TASP1: variants seen among roughly 807,000 people sequenced by gnomAD.
TASP1 encodes threonine aspartase 1.
A neutral mutation model predicts 56.6 loss-of-function variants in TASP1; 16 were observed. That is an observed-to-expected ratio of 0.28 (90% CI 0.19 to 0.43). TASP1 has a LOEUF of 0.43. Ranked by LOEUF, TASP1 falls within the 20% of genes least tolerant of loss-of-function variation. The pLI is 1.00. For missense variants in TASP1, 393 were observed against 511.6 expected, an observed-to-expected ratio of 0.77 and a Z score of 2.24; for synonymous variants, 179 against 184.2, an observed-to-expected ratio of 0.97 and a Z score of 0.23.
intron 11 of TASP1, among the ~76,000 whole-genome samples, chr20:13,454,152 C>T (rs1651025408): frequency 6.6e-6 from 1 of 151,834 alleles, no homozygotes; most frequent in South Asian, 2.1e-4. Flanking sequence ...CACTGGAAAC[C>T]ATGAAGTAGT....
chr20:13,107,088 A>G, the TASP1 span, among the ~76,000 whole-genome samples: 55,745 of 152,084 alleles, frequency 0.37, 10,735 homozygotes, highest in Non-Finnish European at 0.44. Flanking sequence ...AAAACATTAT[A>G]TCGATCAAAG....
At chr20:13,134,235 C>G in the TASP1 span, among the ~76,000 whole-genome samples, 1 of 152,150 alleles carries the variant, frequency 6.6e-6, no homozygotes, top group Non-Finnish European at 1.5e-5. Flanking sequence ...GATGCAGATG[C>G]TCACAAAATA....
At chr20:13,453,291 G>C (rs1433144144) in intron 11 of TASP1, among the ~76,000 whole-genome samples, 2 of 152,102 alleles carry the variant, frequency 1.3e-5, no homozygotes, top group Non-Finnish European at 2.9e-5. Flanking sequence ...TGTGGCAAAA[G>C]AGAAGAATGG....
chr20:13,606,462 T>G (rs2048156914), intron 4 of TASP1, among the ~76,000 whole-genome samples: 1 of 152,140 alleles, frequency 6.6e-6, no homozygotes. Flanking sequence ...GTATACATAA[T>G]TTTTGTTTGT....
chr20:13,558,252 C>T (rs2046229766), intron 8 of TASP1, among the ~76,000 whole-genome samples: 1 of 152,136 alleles, frequency 6.6e-6, no homozygotes, highest in Non-Finnish European at 1.5e-5. Flanking sequence ...CTGGGACACC[C>T]ATCATGAGCT....
intron 7 of TASP1, among the ~76,000 whole-genome samples, chr20:13,562,068 T>G (rs1302319961): frequency 6.6e-6 from 1 of 152,192 alleles, no homozygotes; most frequent in East Asian, 1.9e-4. Flanking sequence ...CAATAGATTG[T>G]AAAAGATAGG....
At chr20:13,167,480 C>A in the TASP1 span, 1 of 152,156 alleles carries the variant, frequency 6.6e-6, no homozygotes, top group East Asian at 1.9e-4. Context: ...TACACATATG[C>A]ATTTTTCCTT....
At chr20:13,432,827 A>C (rs916357163) in intron 12 of TASP1, among the ~76,000 whole-genome samples, 2 of 152,172 alleles carry the variant, frequency 1.3e-5, no homozygotes, top group African/African-American at 4.8e-5. Context: ...AAGACATTAC[A>C]GTTTTCAGGG....
chr20:13,228,977 G>A, the TASP1 span, among the ~76,000 whole-genome samples: 3 of 152,074 alleles, frequency 2.0e-5, no homozygotes, highest in African/African-American at 7.2e-5. Context: ...CAACCACTCT[G>A]AAACCCAGGA....
intron 3 of TASP1, among the ~76,000 whole-genome samples, chr20:13,624,009 T>G (rs1010011064): frequency 1.1e-4 from 17 of 152,184 alleles, no homozygotes; most frequent in Non-Finnish European, 1.9e-4. Flanking sequence ...GATACTATAA[T>G]GTAAATTCTA....
Position 13,435,170 on chromosome 20 carries a change from T to C in TASP1, c.986-16A>G. 2 of 1,526,118 alleles carry C rather than the reference T, an allele frequency of 1.3e-6. No individual in the cohort carries two copies. Among genetic ancestry groups the C allele is most frequent in the Non-Finnish European group, 1.8e-6 (2 of 1,128,824 alleles). 94.5% of individuals were successfully genotyped at this position (1,526,118 alleles called of 1,614,324 possible). On this transcript the variant is annotated splice_polypyrimidine_tract_variant and intron_variant, in intron 11 of 13. Transcript: ENST00000337743. ...AAAGGTGAACCTAGGCAGAAAGGACTAGTAGTTATTTTTCAGTGAATTTTA... is the reference window on the plus strand; with the variant it reads ...AAAGGTGAACCTAGGCAGAAAGGACCAGTAGTTATTTTTCAGTGAATTTTA...
At chr20:13,497,058 T>C (rs1054363226) in intron 10 of TASP1, among the ~76,000 whole-genome samples, 7 of 152,166 alleles carry the variant, frequency 4.6e-5, no homozygotes, top group African/African-American at 1.2e-4. Flanking sequence ...AGAAACCCCA[T>C]TCACTAAACA....
At chr20:13,372,814 C>T in the TASP1 span, among the ~76,000 whole-genome samples, 2 of 151,582 alleles carry the variant, frequency 1.3e-5, no homozygotes, top group Non-Finnish European at 2.9e-5. Context: ...TCAGTGGTTG[C>T]TCTAGGGCTT....
At chr20:13,343,708 A>C in the TASP1 span, among the ~76,000 whole-genome samples, 6 of 151,836 alleles carry the variant, frequency 4.0e-5, no homozygotes, top group African/African-American at 1.2e-4. Context: ...TTGGGCGTCC[A>C]CCTCCTCACA....
At chr20:13,164,342 T>G in the TASP1 span, 1 of 472,032 alleles carries the variant, frequency 2.1e-6, no homozygotes, top group Non-Finnish European at 4.4e-6. Flanking sequence ...AACATTCCTC[T>G]TTGTTCTTGG....
the TASP1 span, chr20:13,110,277 G>A: frequency 1.2e-5 from 17 of 1,412,190 alleles, no homozygotes; most frequent in African/African-American, 1.0e-4. Context: ...TGACCAGTGC[G>A]GAAAGGCTCA....
At chr20:13,630,853 A>C (rs1029654240) in intron 1 of TASP1, among the ~76,000 whole-genome samples, 1 of 152,136 alleles carries the variant, frequency 6.6e-6, no homozygotes, top group East Asian at 1.9e-4. Context: ...GTATTATTTT[A>C]TTCATGTTAG....
chr20:13,615,317 T>A lies in TASP1; in HGVS notation c.282+8129A>T, dbSNP rs547016842. Reference sequence around the variant, plus strand: ...CAGGAGGCTGGACCCTGAGTGAGAATGACTGCCAGTAAAAACTACCTGGCA... The same window carrying A: ...CAGGAGGCTGGACCCTGAGTGAGAAAGACTGCCAGTAAAAACTACCTGGCA... On this transcript the variant is annotated intron_variant, in intron 4 of 13. Transcript: ENST00000337743. Among the ~76,000 whole-genome samples, 71 of 152,218 alleles carry A rather than the reference T, an allele frequency of 4.7e-4. No homozygotes were observed. In the South Asian group the frequency reaches 5.2e-3, roughly 11 times the overall value.
the TASP1 span, among the ~76,000 whole-genome samples, chr20:13,237,511 G>A: frequency 6.6e-6 from 1 of 152,168 alleles, no homozygotes. Context: ...TCAAAACCAG[G>A]AAAAAGGAAC....
Sources: allele counts gnomAD v4.1 joint callset (sites outside exome capture counted in the v4.1 genomes callset), GRCh38; gene constraint gnomAD v4.1.1; transcripts MANE v1.5; gene names NCBI Gene and HGNC (gene_info 2026-07-23, HGNC 2026-07-21).